ZNHIT6: variants seen among roughly 807,000 people sequenced by gnomAD.
ZNHIT6 encodes the protein zinc finger HIT-type containing 6.
In ZNHIT6, 45 loss-of-function variants were observed where a neutral mutation model predicts 57.2. The ratio of observed to expected loss-of-function variants is 0.79; its 90% CI spans 0.62 to 1.01. The LOEUF is 1.01. Among genes scored for constraint, ZNHIT6 ranks in the 50% least tolerant of loss-of-function variants. The pLI, the probability that ZNHIT6 is intolerant of heterozygous loss-of-function variation, is 0.00. For synonymous variants in ZNHIT6, 188 were observed against 190.0 expected, an observed-to-expected ratio of 0.99 and a Z score of 0.09; for missense variants, 528 against 567.3, an observed-to-expected ratio of 0.93 and a Z score of 0.70.
chr1:85,676,059 G>A (rs12758645), intron 8 of ZNHIT6, among the ~76,000 whole-genome samples: 13,184 of 152,220 alleles, frequency 0.087, 742 homozygotes, highest in Middle Eastern at 0.14. Context: ...TTTACTGGCC[G>A]GGCGCGGTGG....
Position 85,702,143 on chromosome 1 carries a change from A to T in ZNHIT6, c.1019+14T>A. On this transcript the variant is annotated intron_variant, in intron 5 of 9. Coordinates refer to ENST00000370574, the MANE Select transcript of ZNHIT6 (RefSeq NM_017953.4). ...AATCAGAATACCTGATATACTAAAA[A>T]GTTAGAAACTTACTTCTTATCAAAA... 17 of 1,553,316 alleles carry T rather than the reference A, an allele frequency of 1.1e-5. No homozygotes were observed. Among genetic ancestry groups the T allele is most frequent in the Non-Finnish European group, 1.3e-5 (15 of 1,136,892 alleles).
Position 85,667,961 on chromosome 1 carries a change from A to AAAAAAAAAAAAAAATATGTATATATATAT in ZNHIT6, c.1247+9274_1247+9275insATATATATATACATATTTTTTTTTTTTTT. Among the ~76,000 whole-genome samples the AAAAAAAAAAAAAAATATGTATATATATAT allele has an allele frequency of 5.5e-4, 10 of 18,200 alleles. 3 individuals are homozygous for AAAAAAAAAAAAAAATATGTATATATATAT. Among genetic ancestry groups the AAAAAAAAAAAAAAATATGTATATATATAT allele is most frequent in the African/African-American group, 2.1e-3 (10 of 4,710 alleles). The allele number at this position is 18,200 out of a possible 152,430, so 11.9% of individuals were successfully genotyped here. A position where few individuals can be genotyped will look rare whatever the true frequency, so the allele number is the denominator to read the frequency against. Reference sequence around the variant, plus strand: ...ACTCTCTCTTTCAAAAAAAAAAAAAAATATATATATATATATATATATATG... The same window carrying AAAAAAAAAAAAAAATATGTATATATATAT: ...ACTCTCTCTTTCAAAAAAAAAAAAAAAAAAAAAAAAAAAATATGTATATATATATATATATATATATATATATATATATG... On this transcript the variant is annotated intron_variant, in intron 8 of 9. Transcript: ENST00000370574.
chr1:85,687,310 A>AAAAAAAAAAATTT (rs1557861254), intron 5 of ZNHIT6, among the ~76,000 whole-genome samples: 6 of 143,678 alleles, frequency 4.2e-5, no homozygotes, highest in Non-Finnish European at 9.2e-5. Context: ...AAAAAAAAAA[A>AAAAAAAAAAATTT]ACAATTTAGA....
chr1:85,684,214 T>C (rs529138979), intron 5 of ZNHIT6, among the ~76,000 whole-genome samples: 47 of 152,320 alleles, frequency 3.1e-4, no homozygotes, highest in African/African-American at 1.1e-3. Context: ...GTGATAAGAC[T>C]GGTGGAGTAA....
At chr1:85,685,655 C>T (rs1049405676) in intron 5 of ZNHIT6, among the ~76,000 whole-genome samples, 2 of 151,228 alleles carry the variant, frequency 1.3e-5, no homozygotes, top group African/African-American at 2.4e-5. Context: ...GGGTTTGCTG[C>T]AGCCCTGACT....
At chr1:85,676,532 TAA>T (rs1191506013) in intron 8 of ZNHIT6, among the ~76,000 whole-genome samples, 1 of 152,188 alleles carries the variant, frequency 6.6e-6, no homozygotes, top group Non-Finnish European at 1.5e-5. Flanking sequence ...ACTTTTGATT[TAA>T]AGTGAGAGAT....
chr1:85,697,079 C>A (rs1353762724), intron 5 of ZNHIT6, among the ~76,000 whole-genome samples: 5 of 151,548 alleles, frequency 3.3e-5, no homozygotes, highest in African/African-American at 1.2e-4. Context: ...ACTATGTTAG[C>A]CAGGATGGTC....
At position 85,706,521 on chromosome 1, in the gene ZNHIT6, CAT is replaced by C; in HGVS notation, c.657-16_657-15del. ...CAAGTCTCACACCTACAAAAGCCCA[CAT>C]GTAACATTAAATTATCAAATATTAA... On this transcript the variant is annotated splice_polypyrimidine_tract_variant and intron_variant, in intron 1 of 9. Coordinates refer to ENST00000370574, the MANE Select transcript of ZNHIT6 (RefSeq NM_017953.4). The C allele has an allele frequency of 2.0e-6, 3 of 1,531,796 alleles. No homozygotes were observed. The highest frequency in any genetic ancestry group is 2.6e-6 in the Non-Finnish European group (3 of 1,147,274). 94.9% of individuals were successfully genotyped at this position (1,531,796 alleles called of 1,614,324 possible).
chr1:85,670,561 G>A (rs902700106), intron 8 of ZNHIT6, among the ~76,000 whole-genome samples: 7 of 152,214 alleles, frequency 4.6e-5, no homozygotes, highest in Middle Eastern at 6.8e-3. Flanking sequence ...AGATGCCTAC[G>A]GCAACCACTG....
chr1:85,701,152 C>A (rs1662519673), intron 5 of ZNHIT6, among the ~76,000 whole-genome samples: 1 of 152,176 alleles, frequency 6.6e-6, no homozygotes, highest in Non-Finnish European at 1.5e-5. Context: ...AAAACGTCAT[C>A]TTCTAATTAT....
intron 1 of ZNHIT6, among the ~76,000 whole-genome samples, chr1:85,707,013 T>G (rs1662703542): frequency 6.6e-6 from 1 of 152,156 alleles, no homozygotes; most frequent in African/African-American, 2.4e-5. Flanking sequence ...ATGTAACCCA[T>G]CATCTGTCCT....
rs1661504645 is a variant in ZNHIT6, at chr1:85,669,926, A to ATT, written c.1247+7308_1247+7309dup. Among the ~76,000 whole-genome samples the ATT allele has an allele frequency of 1.3e-5, 2 of 152,202 alleles. 1 individual carries two copies. The highest frequency in any genetic ancestry group is 6.3e-3 in the Middle Eastern group (2 of 316). On this transcript the variant is annotated intron_variant, in intron 8 of 9. Transcript: ENST00000370574. ...AGCACATGGAAGGGGCTCAATGAAA[A>ATT]TTAACTGAATAAATGAAAAATACAG...
chr1:85,678,608 C>G, intron 7 of ZNHIT6, 93 bp downstream of exon 7: 1 of 826,288 alleles, frequency 1.2e-6, no homozygotes, highest in Non-Finnish European at 1.9e-6. Flanking sequence ...GTAAATTGTA[C>G]TACACATCAC....
At chr1:85,705,013 A>G (rs1036585755) in intron 4 of ZNHIT6, among the ~76,000 whole-genome samples, 2 of 152,196 alleles carry the variant, frequency 1.3e-5, no homozygotes, top group African/African-American at 4.8e-5. Context: ...CTTCCCAATA[A>G]TTCAAACAGT....
intron 8 of ZNHIT6, among the ~76,000 whole-genome samples, chr1:85,676,355 A>C (rs1204497814): frequency 6.6e-6 from 1 of 151,796 alleles, no homozygotes; most frequent in African/African-American, 2.4e-5. Flanking sequence ...AAAAAAAAAA[A>C]AGACTGTTTT....
chr1:85,702,502 G>C (rs1662565258), intron 4 of ZNHIT6, among the ~76,000 whole-genome samples: 1 of 152,282 alleles, frequency 6.6e-6, no homozygotes, highest in South Asian at 2.1e-4. Context: ...GATAGAACCT[G>C]TATTCAAACC....
intron 9 of ZNHIT6, among the ~76,000 whole-genome samples, chr1:85,656,565 A>G (rs1661065517): frequency 6.6e-6 from 1 of 152,152 alleles, no homozygotes; most frequent in South Asian, 2.1e-4. Flanking sequence ...CCCAAAACCA[A>G]CATTTGAGAG....
intron 5 of ZNHIT6, among the ~76,000 whole-genome samples, chr1:85,695,471 ATAGAGT>A (rs1325983706): frequency 6.6e-6 from 1 of 152,172 alleles, no homozygotes; most frequent in East Asian, 1.9e-4. Context: ...AAAATGAGAT[ATAGAGT>A]TAAAGCCACA....
rs2100640757 is a variant in ZNHIT6, at chr1:85,653,725, C to T, written c.*333G>A. 1 of 190,004 alleles carries T rather than the reference C, an allele frequency of 5.3e-6. No homozygotes were observed. The highest frequency in any genetic ancestry group is 1.3e-4 in the East Asian group (1 of 7,492). The allele number at this position is 190,004 out of a possible 1,614,324, so 11.8% of individuals were successfully genotyped here. A position where few individuals can be genotyped will look rare whatever the true frequency, so the allele number is the denominator to read the frequency against. On this transcript the variant is annotated 3_prime_UTR_variant, in exon 10 of 10. Coordinates refer to ENST00000370574, the MANE Select transcript of ZNHIT6 (RefSeq NM_017953.4). The stretch of plus-strand genomic sequence containing the variant: ...AAGCTATGCTCATACCACTTGCACT[C>T]CAAGACCCCATCTCAAAAAAAGAAA...
Sources: allele counts gnomAD v4.1 joint callset (sites outside exome capture counted in the v4.1 genomes callset), GRCh38; gene constraint gnomAD v4.1.1; transcripts MANE v1.5; gene names NCBI Gene and HGNC (gene_info 2026-07-23, HGNC 2026-07-21).